Variants in SBNO2 observed in about 807,000 individuals in gnomAD.
SBNO2 encodes strawberry notch homolog 2.
A neutral mutation model predicts 146.3 loss-of-function variants in SBNO2; 89 were observed. The observed-to-expected ratio is 0.61, with a 90% CI of 0.51 to 0.73. The LOEUF is 0.73. Ranked by LOEUF, SBNO2 falls within the 30% of genes least tolerant of loss-of-function variation. The probability of loss-of-function intolerance (pLI) is 0.00; values close to 1 mark genes in which losing one functional copy is unlikely to be tolerated. For missense variants in SBNO2, 2,092 were observed against 2,003.7 expected (o/e 1.04, Z -0.84); for synonymous variants, 1,147 against 892.6 (o/e 1.29, Z -5.08).
At chr19:1,134,634 G>A (rs541488781) in intron 4 of SBNO2, among the ~76,000 whole-genome samples, 2 of 152,340 alleles carry the variant, frequency 1.3e-5, no homozygotes, top group South Asian at 2.1e-4. Context: ...AGGTTATCAG[G>A]GGGTGGGGAT....
chr19:1,170,056 GAGTCACGTGCCGTGGCC>G (rs1233548096), intron 1 of SBNO2, among the ~76,000 whole-genome samples: 1 of 152,206 alleles, frequency 6.6e-6, no homozygotes, highest in Non-Finnish European at 1.5e-5. Flanking sequence ...CACATGAACG[GAGTCACGTGCCGTGGCC>G]TTTTGCGTCT....
intron 6 of SBNO2, 124 bp downstream of exon 6, chr19:1,123,818 A>G: frequency 8.8e-7 from 1 of 1,142,764 alleles, no homozygotes; most frequent in Non-Finnish European, 1.2e-6. Context: ...CTCAGCTATA[A>G]AATGGGCACT....
intron 17 of SBNO2, 89 bp from the exon 18 acceptor site, chr19:1,114,511 G>T: frequency 8.6e-7 from 1 of 1,165,860 alleles, no homozygotes. Flanking sequence ...AGCAAGGCCA[G>T]TGGTCCGAGC....
chr19:1,131,772 C>T (rs1382194521), intron 4 of SBNO2, among the ~76,000 whole-genome samples: 2 of 152,218 alleles, frequency 1.3e-5, no homozygotes, highest in Non-Finnish European at 2.9e-5. Context: ...ACAGCCACTG[C>T]CACTGTCACT....
intron 4 of SBNO2, among the ~76,000 whole-genome samples, chr19:1,142,446 T>C (rs943461426): frequency 5.9e-5 from 9 of 152,202 alleles, no homozygotes; most frequent in African/African-American, 2.2e-4. Flanking sequence ...GTATCAATAG[T>C]TACCAGGCGG....
In SBNO2 at chr19:1,112,417, C is replaced by T; in HGVS notation, c.2500G>A (p.Ala834Thr). The T allele has an allele frequency of 1.2e-6, 2 of 1,603,818 alleles. No individual in the cohort carries two copies. Among genetic ancestry groups the T allele is most frequent in the East Asian group, 2.2e-5 (1 of 44,688 alleles). Residue 834 changes from alanine to threonine, a missense_variant, in exon 21 of 32, where the codon GCC becomes ACC. Coordinates refer to ENST00000361757, the MANE Select transcript of SBNO2 (RefSeq NM_014963.3). This position sits in a 1 kb window ranked among gnomAD's most constrained non-coding sequence, Gnocchi z 5.9. The part of the protein sequence containing the change: ...TLELPWSADR[A>T]IQQFGRTHRS... ...CCGGACTCACCGAACTGCTGGATGG[C>T]GCGGTCGGCGCTCCACGGCAGCTCC...
chr19:1,109,863 C>G lies in SBNO2; in HGVS notation c.3029-86G>C. ...GTCAGTCCCGTAGCCGGGGCGCACC[C>G]TAGAGACGACCCCCCGAGAGCACAG... On this transcript the variant is annotated intron_variant, in intron 26 of 31. Coordinates refer to ENST00000361757, the MANE Select transcript of SBNO2 (RefSeq NM_014963.3). The surrounding 1 kb of genome is among the most constrained non-coding windows in gnomAD (Gnocchi z 4.2). 1.1e-6 allele frequency: 1 copy of G among 950,492 alleles called. No individual in the cohort carries two copies. The allele number at this position is 950,492 out of a possible 1,614,324, so 58.9% of individuals were successfully genotyped here. A position where few individuals can be genotyped will look rare whatever the true frequency, so the allele number is the denominator to read the frequency against.
chr19:1,145,907 C>A (rs1244940093), intron 4 of SBNO2, among the ~76,000 whole-genome samples: 1 of 152,222 alleles, frequency 6.6e-6, no homozygotes, highest in East Asian at 1.9e-4. Flanking sequence ...AATTTCCAGG[C>A]CACACACTGG....
chr19:1,130,968 A>G (rs57479415), intron 4 of SBNO2, among the ~76,000 whole-genome samples: 3,571 of 152,230 alleles, frequency 0.023, 145 homozygotes, highest in African/African-American at 0.082. Flanking sequence ...GCCCTCAGCG[A>G]TTAGGGACAG....
chr19:1,167,711 G>A (rs1443373170), intron 1 of SBNO2, among the ~76,000 whole-genome samples: 5 of 152,290 alleles, frequency 3.3e-5, no homozygotes, highest in African/African-American at 4.8e-5. Flanking sequence ...CCACACCCAC[G>A]GCTCCAGGGG....
chr19:1,154,773 T>A (rs1164025051), intron 1 of SBNO2, among the ~76,000 whole-genome samples: 8 of 152,086 alleles, frequency 5.3e-5, no homozygotes, highest in African/African-American at 1.9e-4. Context: ...GGTGTGAGAC[T>A]GTGGAGGGAG....
intron 1 of SBNO2, among the ~76,000 whole-genome samples, chr19:1,165,262 T>A (rs145631428): frequency 8.8e-4 from 134 of 152,212 alleles, no homozygotes; most frequent in Middle Eastern, 6.8e-3. Context: ...GTCAGCACGG[T>A]GCCGAATGCA....
chr19:1,110,901 G>C lies in SBNO2; in HGVS notation c.2885-13C>G. 6.2e-7 allele frequency: 1 copy of C among 1,612,968 alleles called. No homozygotes were observed. The highest frequency in any genetic ancestry group is 8.5e-7 in the Non-Finnish European group (1 of 1,179,208). On this transcript the variant is annotated splice_polypyrimidine_tract_variant and intron_variant, in intron 25 of 31. Transcript: ENST00000361757. The surrounding 1 kb of genome is among the most constrained non-coding windows in gnomAD (Gnocchi z 4.9). ...GTGATGGAACAGTCTGGTAGGGGAG[G>C]GAGCCAAGCCTCAGGCTGCGCTGGG...
In SBNO2 at chr19:1,122,223, C is replaced by A; in HGVS notation, c.1065G>T (p.Leu355=). The change falls in exon 11 of 32, where the codon CTG becomes CTT. Residue 355 remains leucine, a synonymous_variant. Transcript: ENST00000361757. The part of the protein sequence containing the change: ...EGVLFATYSA[L]IGESQAGGQH... ...GGCCGCCGGCCTGGCTCTCCCCAATCAGGGCGGAGTAGGTGGCGAAGAGGA... is the reference window on the plus strand; with the variant it reads ...GGCCGCCGGCCTGGCTCTCCCCAATAAGGGCGGAGTAGGTGGCGAAGAGGA... 2 of 1,573,328 alleles carry A rather than the reference C, an allele frequency of 1.3e-6. No individual in the cohort carries two copies. The highest frequency in any genetic ancestry group is 1.2e-5 in the South Asian group (1 of 84,974).
chr19:1,154,361 C>T lies in SBNO2; in HGVS notation c.-85G>A. On this transcript the variant is annotated 5_prime_UTR_variant, in exon 2 of 32. Transcript: ENST00000361757. Reference sequence around the variant, plus strand: ...GGGGCCGCCGGGGCGTCTATCTGGGCTTCTCGCTCCGTGGTGGCGGCGGTG... The same window carrying T: ...GGGGCCGCCGGGGCGTCTATCTGGGTTTCTCGCTCCGTGGTGGCGGCGGTG... 2 of 673,546 alleles carry T rather than the reference C, an allele frequency of 3.0e-6. No homozygotes were observed. Among genetic ancestry groups the T allele is most frequent in the Non-Finnish European group, 4.2e-6 (2 of 477,798 alleles). The allele number at this position is 673,546 out of a possible 1,614,324, so 41.7% of individuals were successfully genotyped here. A position where few individuals can be genotyped will look rare whatever the true frequency, so the allele number is the denominator to read the frequency against.
In SBNO2 at chr19:1,173,480, G is replaced by C. The variant is rs560524066; in HGVS notation, c.-127+692C>G. 4.6e-5 allele frequency among the ~76,000 whole-genome samples: 7 copies of C among 152,304 alleles called. No homozygotes were observed. In the East Asian group the frequency reaches 1.2e-3, roughly 25 times the overall value. On this transcript the variant is annotated intron_variant, in intron 1 of 31. Coordinates refer to ENST00000361757, the MANE Select transcript of SBNO2 (RefSeq NM_014963.3). This position sits in a 1 kb window ranked among gnomAD's most constrained non-coding sequence, Gnocchi z 4.7. ...AAAAACCATCTGCCCCAGAAGAGAAGTCGGAGGCCCCAGGAGCGGGAGGGG... is the reference window on the plus strand; with the variant it reads ...AAAAACCATCTGCCCCAGAAGAGAACTCGGAGGCCCCAGGAGCGGGAGGGG...
intron 2 of SBNO2, among the ~76,000 whole-genome samples, chr19:1,152,131 G>A (rs190622184): frequency 2.0e-3 from 305 of 152,320 alleles, no homozygotes; most frequent in African/African-American, 6.8e-3. Flanking sequence ...GAGCAAAGCC[G>A]GTTACGCGCA....
At chr19:1,145,105 A>G (rs975648722) in intron 4 of SBNO2, among the ~76,000 whole-genome samples, 1 of 151,428 alleles carries the variant, frequency 6.6e-6, no homozygotes, top group Non-Finnish European at 1.5e-5. Flanking sequence ...GCAGAGAGAG[A>G]TTGAGAGGGA....
At chr19:1,174,141 G>C (rs1315714816) in intron 1 of SBNO2, 31 bp downstream of exon 1, 9 of 151,624 alleles carry the variant, frequency 5.9e-5, no homozygotes. Flanking sequence ...TCGCGGTGGA[G>C]CCGGGGCGGG....
Sources: allele counts gnomAD v4.1 joint callset (sites outside exome capture counted in the v4.1 genomes callset), GRCh38; gene constraint gnomAD v4.1.1; non-coding constraint Gnocchi (gnomAD v3.1); transcripts MANE v1.5; gene names NCBI Gene and HGNC (gene_info 2026-07-23, HGNC 2026-07-21).